The following PRDM5 variants were observed in gnomAD, a reference collection of about 807,000 sequenced individuals.
The protein encoded by PRDM5 is PR domain zinc finger protein 5.
A neutral mutation model predicts 81.2 loss-of-function variants in PRDM5; 56 were observed. The observed-to-expected ratio is 0.69, with a 90% CI of 0.56 to 0.86. The LOEUF is 0.86. Among genes scored for constraint, PRDM5 ranks in the 40% least tolerant of loss-of-function variants. The pLI, the probability that PRDM5 is intolerant of heterozygous loss-of-function variation, is 0.00. For synonymous variants in PRDM5, 267 were observed against 256.4 expected, an observed-to-expected ratio of 1.04 and a Z score of -0.39; for missense variants, 697 against 770.1, an observed-to-expected ratio of 0.91 and a Z score of 1.12.
Position 120,798,397 on chromosome 4 carries a change from C to A in PRDM5, c.1058G>T (p.Cys353Phe). 6.2e-7 allele frequency: 1 copy of A among 1,611,208 alleles called. No individual in the cohort carries two copies. Among genetic ancestry groups the A allele is most frequent in the African/African-American group, 1.3e-5 (1 of 74,870 alleles). Residue 353 changes from cysteine (C) to phenylalanine (F), a missense_variant, in exon 10 of 16, where the codon TGT becomes TTT. By Grantham distance (205) the Cys-to-Phe change is radical. Transcript: ENST00000264808. ...ATCAAGCCTCTTGAAAGACTTATTA[C>A]AAATCTCGCAATTATAGGGTCGTTT... ...SEKRPYNCEICNKSFKRLDQV... is the reference protein window; with the variant it reads ...SEKRPYNCEIFNKSFKRLDQV...
chr4:120,821,110 TTAAAC>T lies in PRDM5; in HGVS notation c.475+56_475+60del, dbSNP rs370377292. 616 of 1,562,962 alleles carry T rather than the reference TTAAAC, an allele frequency of 3.9e-4. 2 individuals are homozygous for T. The African/African-American group carries it at 7.5e-3, about 19-fold the overall frequency. On this transcript the variant is annotated intron_variant, in intron 4 of 15. Transcript: ENST00000264808. ...AAGGCAACTATAATTCAACCACAGT[TTAAAC>T]TACACTTTTTTCTACAACTTTTCTT...
chr4:120,752,375 G>T (rs1744133178), intron 14 of PRDM5, among the ~76,000 whole-genome samples: 1 of 152,150 alleles, frequency 6.6e-6, no homozygotes, highest in Non-Finnish European at 1.5e-5. Flanking sequence ...CTGTTCCTTG[G>T]ATCTTCTACT....
chr4:120,914,204 C>T (rs1476970242), intron 1 of PRDM5, among the ~76,000 whole-genome samples: 1 of 149,898 alleles, frequency 6.7e-6, no homozygotes, highest in African/African-American at 2.4e-5. Flanking sequence ...AAAAAAAAAA[C>T]TTTTAAGAGT....
intron 3 of PRDM5, among the ~76,000 whole-genome samples, chr4:120,835,757 T>C (rs1465936025): frequency 6.6e-6 from 1 of 151,200 alleles, no homozygotes; most frequent in Admixed American, 6.6e-5. Context: ...AACAGACTAA[T>C]ACAAAAGGAA....
chr4:120,883,946 T>C (rs979931872), intron 2 of PRDM5, among the ~76,000 whole-genome samples: 19 of 152,294 alleles, frequency 1.2e-4, no homozygotes, highest in African/African-American at 3.8e-4. Flanking sequence ...ACTCTATAAA[T>C]ATACTGAAAA....
intron 10 of PRDM5, among the ~76,000 whole-genome samples, chr4:120,786,737 A>G (rs1749814921): frequency 6.6e-6 from 1 of 152,198 alleles, no homozygotes; most frequent in African/African-American, 2.4e-5. Flanking sequence ...ATAAACTTAA[A>G]GCTCCAAAGC....
At position 120,914,445 on chromosome 4, in the gene PRDM5, AT is replaced by A. The variant is rs541292462; in HGVS notation, c.94-6889del. Among the ~76,000 whole-genome samples, 126 of 152,256 alleles carry A rather than the reference AT, an allele frequency of 8.3e-4. 1 individual carries two copies. Among genetic ancestry groups the A allele is most frequent in the East Asian group, 4.3e-3 (22 of 5,170 alleles). Reference sequence around the variant, plus strand: ...ACATATAAAACCATAACTCCAGAGTATTTTTTTAAAGGGATGAGAAGTGTAT... The same window carrying A: ...ACATATAAAACCATAACTCCAGAGTATTTTTTAAAGGGATGAGAAGTGTAT... On this transcript the variant is annotated intron_variant, in intron 1 of 15. Transcript: ENST00000264808.
intron 10 of PRDM5, among the ~76,000 whole-genome samples, chr4:120,797,633 T>C (rs1393559859): frequency 6.6e-6 from 1 of 152,180 alleles, no homozygotes; most frequent in African/African-American, 2.4e-5. Flanking sequence ...AGAGAAGCTA[T>C]CTTGGGCAAA....
At chr4:120,796,206 A>G (rs917461357) in intron 10 of PRDM5, among the ~76,000 whole-genome samples, 2 of 152,164 alleles carry the variant, frequency 1.3e-5, no homozygotes, top group African/African-American at 2.4e-5. Context: ...ATGGAAGAAA[A>G]GGTTGATCTT....
At chr4:120,787,948 ACTAT>A (rs754101686) in intron 10 of PRDM5, among the ~76,000 whole-genome samples, 14 of 152,192 alleles carry the variant, frequency 9.2e-5, no homozygotes, top group Non-Finnish European at 1.6e-4. Flanking sequence ...AAATAAAGAT[ACTAT>A]CTGTGATTAA....
intron 13 of PRDM5, among the ~76,000 whole-genome samples, chr4:120,769,647 T>C (rs1233519570): frequency 1.3e-5 from 2 of 152,208 alleles, no homozygotes; most frequent in Non-Finnish European, 2.9e-5. Context: ...TTACAAATAC[T>C]TTCCAATGCA....
intron 2 of PRDM5, among the ~76,000 whole-genome samples, chr4:120,889,009 T>C (rs764401575): frequency 6.6e-6 from 1 of 152,064 alleles, no homozygotes; most frequent in African/African-American, 2.4e-5. Context: ...AAATATCTTA[T>C]CATCCTCTGT....
At chr4:120,773,454 C>T (rs1747591434) in intron 13 of PRDM5, among the ~76,000 whole-genome samples, 1 of 152,104 alleles carries the variant, frequency 6.6e-6, no homozygotes, top group South Asian at 2.1e-4. Context: ...AACGTTCTTC[C>T]TCTAAGTAAA....
chr4:120,794,698 A>G (rs1007811178), intron 10 of PRDM5, among the ~76,000 whole-genome samples: 1 of 151,000 alleles, frequency 6.6e-6, no homozygotes. Context: ...ATCTTGGCTC[A>G]CTGCAACCTC....
chr4:120,798,167 T>C lies in PRDM5; in HGVS notation c.1188+100A>G, dbSNP rs1200422082. The C allele has an allele frequency of 6.9e-6, 6 of 864,044 alleles. No homozygotes were observed. In the Admixed American group the frequency reaches 1.4e-4, roughly 20 times the overall value. The allele number at this position is 864,044 out of a possible 1,614,324, so 53.5% of individuals were successfully genotyped here. On this transcript the variant is annotated intron_variant, in intron 10 of 15. Coordinates refer to ENST00000264808, the MANE Select transcript of PRDM5 (RefSeq NM_018699.4). Reference sequence around the variant, plus strand: ...GATCTTCTCTAGTTGTTGCATTATATACAGTAGGCCCCAGATGTACAAAAG... The same window carrying C: ...GATCTTCTCTAGTTGTTGCATTATACACAGTAGGCCCCAGATGTACAAAAG...
Position 120,907,500 on chromosome 4 carries a change from T to C in PRDM5, c.151A>G (p.Asn51Asp), listed in dbSNP as rs1217172701. ...TCCCACATCAACCTGTAATCCATAT[T>C]TTCATCCAAGTCTTCAGGCATTCTC... ...EKRMPEDLDE[N>D]MDYRLMWEVR... The change falls in exon 2 of 16, where the codon AAT (asparagine) becomes GAT (aspartate). Residue 51 changes from asparagine to aspartate, a missense_variant. Transcript: ENST00000264808. 1 of 1,612,080 alleles carries C rather than the reference T, an allele frequency of 6.2e-7. No individual in the cohort carries two copies. Among genetic ancestry groups the C allele is most frequent in the Admixed American group, 1.7e-5 (1 of 60,016 alleles).
chr4:120,760,677 T>C (rs1056859233), intron 13 of PRDM5, among the ~76,000 whole-genome samples: 4 of 151,980 alleles, frequency 2.6e-5, no homozygotes, highest in Admixed American at 6.6e-5. Flanking sequence ...AAAAAGTTGA[T>C]TTTGGTTGAT....
At chr4:120,913,693 G>A (rs1419289588) in intron 1 of PRDM5, among the ~76,000 whole-genome samples, 2 of 152,192 alleles carry the variant, frequency 1.3e-5, no homozygotes, top group Admixed American at 1.3e-4. Context: ...TGCAAGTGAA[G>A]CCTTAGGTTC....
intron 3 of PRDM5, chr4:120,839,158 C>T (rs1757699939): frequency 1.4e-6 from 1 of 689,784 alleles, no homozygotes; most frequent in African/African-American, 1.8e-5. Flanking sequence ...CCCTGAAAGG[C>T]TGCAGCTCTT....
Sources: allele counts gnomAD v4.1 joint callset (sites outside exome capture counted in the v4.1 genomes callset), GRCh38; gene constraint gnomAD v4.1.1; transcripts MANE v1.5; gene names NCBI Gene and HGNC (gene_info 2026-07-23, HGNC 2026-07-21).